The following DNAH11 variants were observed in gnomAD, a reference collection of about 807,000 sequenced individuals.
The protein encoded by DNAH11 is axonemal beta dynein heavy chain 11.
A neutral mutation model predicts 526.0 loss-of-function variants in DNAH11; 442 were observed. The ratio of observed to expected loss-of-function variants is 0.84; its 90% CI spans 0.78 to 0.91. The LOEUF is 0.91. Ranked by LOEUF, DNAH11 falls within the 40% of genes least tolerant of loss-of-function variation. DNAH11 has a pLI of 0.00. For missense variants in DNAH11, 6,989 were observed against 5,448.7 expected, an observed-to-expected ratio of 1.28 and a Z score of -8.90; for synonymous variants, 2,461 against 1,935.9, an observed-to-expected ratio of 1.27 and a Z score of -7.12.
chr7:21,705,406 C>CT (rs1001437270), intron 38 of DNAH11, 54 bp from the exon 39 acceptor site: 2 of 1,587,970 alleles, frequency 1.3e-6, no homozygotes, highest in Non-Finnish European at 8.6e-7. Flanking sequence ...GGTAGATTAT[C>CT]TTTTTGTCAC....
chr7:21,642,572 C>T (rs1787178082), intron 28 of DNAH11, among the ~76,000 whole-genome samples: 1 of 151,936 alleles, frequency 6.6e-6, no homozygotes, highest in Non-Finnish European at 1.5e-5. Context: ...GAATGTGCTC[C>T]CTGTAGTGTG....
At chr7:21,662,071 C>A (rs1292284607) in intron 30 of DNAH11, among the ~76,000 whole-genome samples, 1 of 152,052 alleles carries the variant, frequency 6.6e-6, no homozygotes, top group East Asian at 1.9e-4. Flanking sequence ...CCACCTGCCT[C>A]GACCTCCCAA....
At chr7:21,625,609 A>AT (rs1786292233) in intron 25 of DNAH11, among the ~76,000 whole-genome samples, 1 of 150,862 alleles carries the variant, frequency 6.6e-6, no homozygotes, top group African/African-American at 2.4e-5. Context: ...TTTATTTGAG[A>AT]TTTTCTTGTT....
At chr7:21,744,299 C>A in intron 49 of DNAH11, 139 bp from the exon 50 acceptor site, 1 of 974,328 alleles carries the variant, frequency 1.0e-6, no homozygotes, top group Non-Finnish European at 1.5e-6. Context: ...TACTTTTATA[C>A]ACGAACACGC....
At chr7:21,795,569 ATTAG>A (rs200753060) in intron 61 of DNAH11, among the ~76,000 whole-genome samples, 1 of 152,218 alleles carries the variant, frequency 6.6e-6, no homozygotes, top group African/African-American at 2.4e-5. Context: ...CTCAAAAACT[ATTAG>A]TTAAATTAAC....
At chr7:21,737,649 G>A (rs1193001613) in intron 46 of DNAH11, among the ~76,000 whole-genome samples, 1 of 152,218 alleles carries the variant, frequency 6.6e-6, no homozygotes, top group Non-Finnish European at 1.5e-5. Context: ...ATATGGAAAT[G>A]ACATGAAGTA....
intron 68 of DNAH11, among the ~76,000 whole-genome samples, chr7:21,854,725 T>G (rs1244604641): frequency 6.6e-6 from 1 of 150,698 alleles, no homozygotes; most frequent in Non-Finnish European, 1.5e-5. Context: ...GTATTTTTAG[T>G]AGAGACAGGG....
intron 36 of DNAH11, 88 bp from the exon 37 acceptor site, chr7:21,702,622 T>C: frequency 9.3e-7 from 1 of 1,079,940 alleles, no homozygotes; most frequent in South Asian, 1.4e-5. Flanking sequence ...TCTGAACTCC[T>C]TCTTAAAAAC....
chr7:21,581,485 CT>C (rs1784305035), intron 8 of DNAH11, among the ~76,000 whole-genome samples: 1 of 152,194 alleles, frequency 6.6e-6, no homozygotes, highest in African/African-American at 2.4e-5. Context: ...AACAAAAACC[CT>C]TCCTATTTAA....
intron 43 of DNAH11, 94 bp downstream of exon 43, chr7:21,718,019 T>A: frequency 6.8e-7 from 1 of 1,463,396 alleles, no homozygotes. Flanking sequence ...CCCAAGAAAG[T>A]GAGAAGATTT....
rs923898844 is a variant in DNAH11, at chr7:21,817,544, G to T, written c.10569-673G>T. On this transcript the variant is annotated intron_variant, in intron 64 of 81. Transcript: ENST00000409508. ...CAAAAAAAAAAAAAAAAAAAAAAAAGTTGCCAGGTATGGTAGTGCCTACCT... is the reference window on the plus strand; with the variant it reads ...CAAAAAAAAAAAAAAAAAAAAAAAATTTGCCAGGTATGGTAGTGCCTACCT... Among the ~76,000 whole-genome samples the T allele has an allele frequency of 8.7e-4, 107 of 122,980 alleles. 1 individual carries two copies. The highest frequency in any genetic ancestry group is 2.9e-3 in the African/African-American group (97 of 33,898). 80.7% of individuals were successfully genotyped at this position (122,980 alleles called of 152,430 possible).
chr7:21,777,673 T>G (rs1787738076), intron 56 of DNAH11, among the ~76,000 whole-genome samples: 1 of 152,200 alleles, frequency 6.6e-6, no homozygotes, highest in South Asian at 2.1e-4. Context: ...TTCTTTTGAC[T>G]ATGGCCTAAT....
intron 42 of DNAH11, among the ~76,000 whole-genome samples, chr7:21,714,388 T>C (rs1460039533): frequency 6.6e-6 from 1 of 152,168 alleles, no homozygotes; most frequent in African/African-American, 2.4e-5. Flanking sequence ...TAGAAGGCGT[T>C]TTTGTATTTT....
In DNAH11 at chr7:21,545,024, C is replaced by G; in HGVS notation, c.370C>G (p.His124Asp). Reference protein sequence around the residue: ...ASQEIPRDANHKLVFISKKIT... With the variant: ...ASQEIPRDANDKLVFISKKIT... ...GTTTTAGATTCCAAGAGATGCAAAC[C>G]ATAAACTTGTTTTTATTTCCAAGAA... The change falls in exon 2 of 82, where the codon CAT becomes GAT. Residue 124 changes from histidine to aspartate, a missense_variant. Coordinates refer to ENST00000409508, the MANE Select transcript of DNAH11 (RefSeq NM_001277115.2). 1 of 1,590,928 alleles carries G rather than the reference C, an allele frequency of 6.3e-7. No individual in the cohort carries two copies. The highest frequency in any genetic ancestry group is 8.6e-7 in the Non-Finnish European group (1 of 1,168,208).
At chr7:21,760,449 G>C (rs143480634) in intron 54 of DNAH11, among the ~76,000 whole-genome samples, 1 of 152,100 alleles carries the variant, frequency 6.6e-6, no homozygotes, top group Non-Finnish European at 1.5e-5. Flanking sequence ...AGCTGACCTC[G>C]TAATCACATC....
At chr7:21,725,213 T>C (rs944545146) in intron 44 of DNAH11, among the ~76,000 whole-genome samples, 2 of 152,196 alleles carry the variant, frequency 1.3e-5, no homozygotes, top group African/African-American at 4.8e-5. Context: ...TTTGGTCTGG[T>C]GGGAAACCAA....
At chr7:21,764,555 A>G (rs1787087378) in intron 54 of DNAH11, among the ~76,000 whole-genome samples, 1 of 152,184 alleles carries the variant, frequency 6.6e-6, no homozygotes, top group Admixed American at 6.5e-5. Flanking sequence ...TGAGAATAAA[A>G]GCAGAGAAGG....
Position 21,738,786 on chromosome 7 carries a change from C to T in DNAH11, c.7731C>T (p.Asp2577=), listed in dbSNP as rs372436526. Residue 2577 remains aspartate (D), a synonymous_variant, in exon 47 of 82, where the codon GAC becomes GAT. Coordinates refer to ENST00000409508, the MANE Select transcript of DNAH11 (RefSeq NM_001277115.2). ...GNKKLIYFID[D]MNMPEVDLYG... ...AAAAATTGATTTATTTTATCGACGACATGAACATGCCTGAAGTGGACTTAT... is the reference window on the plus strand; with the variant it reads ...AAAAATTGATTTATTTTATCGACGATATGAACATGCCTGAAGTGGACTTAT... 8 of 1,599,636 alleles carry T rather than the reference C, an allele frequency of 5.0e-6. No homozygotes were observed. In the Middle Eastern group the frequency reaches 5.0e-4, roughly 99 times the overall value.
rs901669516 is a variant in DNAH11 at position 21,549,159 on chromosome 7, A to G, written c.495+4010A>G. 1.4e-4 allele frequency among the ~76,000 whole-genome samples: 22 copies of G among 152,274 alleles called. 2 individuals carry two copies. Among genetic ancestry groups the G allele is most frequent in the Admixed American group, 9.2e-4 (14 of 15,296 alleles). On this transcript the variant is annotated intron_variant, in intron 2 of 81. Transcript: ENST00000409508. ...CTCCCAAAGTCCTGGGAATACAGGC[A>G]TGAGCCACCGTACCTGGCCAATGAC...
Sources: allele counts gnomAD v4.1 joint callset (sites outside exome capture counted in the v4.1 genomes callset), GRCh38; gene constraint gnomAD v4.1.1; transcripts MANE v1.5; gene names NCBI Gene and HGNC (gene_info 2026-07-23, HGNC 2026-07-21).